The following SOX6 variants were observed in gnomAD, a reference collection of about 807,000 sequenced individuals.
The protein encoded by SOX6 is transcription factor SOX-6.
In SOX6, 11 loss-of-function variants were observed where a neutral mutation model predicts 97.8. The observed-to-expected ratio is 0.11, with a 90% CI of 0.07 to 0.19. SOX6 has a LOEUF of 0.19. Ranked by LOEUF, SOX6 falls within the 10% of genes least tolerant of loss-of-function variation. SOX6 has a pLI of 1.00. For missense variants in SOX6, 810 were observed against 1,039.5 expected (o/e 0.78, Z 3.04); for synonymous variants, 360 against 371.4 (o/e 0.97, Z 0.35).
chr11:16,465,103 T>C (rs11023949), intron 1 of SOX6, among the ~76,000 whole-genome samples: 124 of 152,292 alleles, frequency 8.1e-4, no homozygotes, highest in African/African-American at 2.8e-3. Flanking sequence ...TTCAACCACA[T>C]TGTCTCAAAA....
Position 16,343,149 on chromosome 11 carries a change from T to A in SOX6, c.-4-1897A>T, listed in dbSNP as rs577817304. Among the ~76,000 whole-genome samples the A allele has an allele frequency of 3.9e-5, 6 of 151,996 alleles. No homozygotes were observed. In the South Asian group the frequency reaches 1.2e-3, roughly 32 times the overall value. Reference sequence around the variant, plus strand: ...TGTATGGCTTACTTTACCGGCCCCATAACTACTATTAGTAAAACCAGGCAA... The same window carrying A: ...TGTATGGCTTACTTTACCGGCCCCAAAACTACTATTAGTAAAACCAGGCAA... On this transcript the variant is annotated intron_variant, in intron 1 of 15. Transcript: ENST00000683767.
intron 4 of SOX6, among the ~76,000 whole-genome samples, chr11:16,570,918 A>G: frequency 6.6e-6 from 1 of 152,280 alleles, no homozygotes; most frequent in East Asian, 1.9e-4. Context: ...TAATATAAAT[A>G]TTTTTACAGG....
intron 4 of SOX6, among the ~76,000 whole-genome samples, chr11:16,498,464 A>C (rs2133139530): frequency 6.6e-6 from 1 of 152,134 alleles, no homozygotes; most frequent in South Asian, 2.1e-4. Flanking sequence ...AACAATATTA[A>C]CCTTAAGTGT....
At chr11:16,040,549 C>T (rs536821749) in intron 12 of SOX6, among the ~76,000 whole-genome samples, 21 of 152,020 alleles carry the variant, frequency 1.4e-4, no homozygotes, top group Admixed American at 8.5e-4. Flanking sequence ...AAAACACTAT[C>T]GCAAGTATAA....
intron 4 of SOX6, among the ~76,000 whole-genome samples, chr11:16,501,346 C>T (rs1860704742): frequency 6.6e-6 from 1 of 152,134 alleles, no homozygotes; most frequent in Non-Finnish European, 1.5e-5. Flanking sequence ...AGACCTAAAA[C>T]CATAAAAACC....
intron 12 of SOX6, among the ~76,000 whole-genome samples, chr11:16,015,551 T>C (rs1854859161): frequency 6.6e-6 from 1 of 152,022 alleles, no homozygotes; most frequent in African/African-American, 2.4e-5. Flanking sequence ...AGATGATTGA[T>C]ACTACTATTT....
At chr11:16,204,023 CAT>C (rs779348281) in intron 4 of SOX6, among the ~76,000 whole-genome samples, 37 of 151,722 alleles carry the variant, frequency 2.4e-4, no homozygotes, top group Non-Finnish European at 3.8e-4. Flanking sequence ...AGGCAATGCA[CAT>C]GTTAATTAAC....
intron 1 of SOX6, among the ~76,000 whole-genome samples, chr11:16,378,047 T>C (rs765486371): frequency 2.0e-5 from 3 of 152,172 alleles, no homozygotes; most frequent in Non-Finnish European, 2.9e-5. Context: ...ATCATAATAA[T>C]GTTCAAAAAT....
chr11:16,648,038 G>A (rs549470402), intron 3 of SOX6, among the ~76,000 whole-genome samples: 1 of 152,248 alleles, frequency 6.6e-6, no homozygotes, highest in South Asian at 2.1e-4. Context: ...ACGAGTGGGA[G>A]TGGCTGTGGA....
chr11:16,154,658 CA>C (rs369413427), intron 6 of SOX6, among the ~76,000 whole-genome samples: 46 of 149,972 alleles, frequency 3.1e-4, no homozygotes, highest in Middle Eastern at 3.4e-3. Context: ...TATTTGCTTA[CA>C]AAAAAAAATG....
chr11:16,574,228 A>G (rs1847962836), intron 4 of SOX6, among the ~76,000 whole-genome samples: 1 of 152,168 alleles, frequency 6.6e-6, no homozygotes, highest in Non-Finnish European at 1.5e-5. Flanking sequence ...ATTCTACAAA[A>G]TAACAAAACT....
At chr11:16,642,635 A>C (rs998021036) in intron 3 of SOX6, among the ~76,000 whole-genome samples, 1 of 151,708 alleles carries the variant, frequency 6.6e-6, no homozygotes, top group Non-Finnish European at 1.5e-5. Context: ...TTTTCTCTAA[A>C]TTTCTCTTCT....
At chr11:16,207,737 G>A (rs1041452766) in intron 4 of SOX6, among the ~76,000 whole-genome samples, 3 of 151,696 alleles carry the variant, frequency 2.0e-5, no homozygotes, top group African/African-American at 7.3e-5. Flanking sequence ...AGTTTGTACT[G>A]TTTTTTGAAA....
chr11:16,127,363 T>C (rs1023076066), intron 6 of SOX6, among the ~76,000 whole-genome samples: 6 of 152,054 alleles, frequency 3.9e-5, no homozygotes, highest in Admixed American at 3.3e-4. Context: ...ATTCTGAATA[T>C]ACTGTGTATA....
chr11:16,208,286 G>A (rs1266912453), intron 4 of SOX6, among the ~76,000 whole-genome samples: 1 of 152,084 alleles, frequency 6.6e-6, no homozygotes, highest in East Asian at 1.9e-4. Context: ...AAGCATTTTG[G>A]ACACTATCAG....
chr11:16,507,555 A>G (rs67150549), intron 4 of SOX6, among the ~76,000 whole-genome samples: 36,701 of 152,150 alleles, frequency 0.24, 5,029 homozygotes, highest in Non-Finnish European at 0.3. Flanking sequence ...CATGGTATTG[A>G]TATCAAAACA....
At chr11:16,700,845 C>A (rs1222358324) in intron 3 of SOX6, among the ~76,000 whole-genome samples, 2 of 152,154 alleles carry the variant, frequency 1.3e-5, no homozygotes, top group East Asian at 1.9e-4. Flanking sequence ...GTTTTCTTAA[C>A]CCTGCTCACA....
At chr11:16,255,841 GA>G (rs35186404) in intron 3 of SOX6, among the ~76,000 whole-genome samples, 175 of 139,846 alleles carry the variant, frequency 1.3e-3, no homozygotes, top group Middle Eastern at 7.3e-3. Context: ...CAGACTAAAG[GA>G]AAAAAAAAAA....
chr11:16,510,657 T>A (rs1396987286), intron 4 of SOX6, among the ~76,000 whole-genome samples: 1 of 152,100 alleles, frequency 6.6e-6, no homozygotes, highest in East Asian at 1.9e-4. Context: ...CATCTTTTTA[T>A]GTTAAATTAT....
Sources: allele counts gnomAD v4.1 joint callset (sites outside exome capture counted in the v4.1 genomes callset), GRCh38; gene constraint gnomAD v4.1.1; transcripts MANE v1.5; gene names NCBI Gene and HGNC (gene_info 2026-07-23, HGNC 2026-07-21).